DEAF1: variants seen among roughly 807,000 people sequenced by gnomAD.
DEAF1 encodes deformed epidermal autoregulatory factor 1 homolog.
Under a neutral mutation model 58.9 loss-of-function variants are expected in DEAF1, and 53 were observed. That is an observed-to-expected ratio of 0.90 (90% CI 0.72 to 1.13). DEAF1 has a LOEUF of 1.13. DEAF1 is among the 50% of genes most tolerant of loss of function. DEAF1 has a pLI of 0.00. For synonymous variants in DEAF1, 385 were observed against 340.4 expected (o/e 1.13, Z -1.44); for missense variants, 685 against 791.4 (o/e 0.87, Z 1.61).
chr11:647,738 C>T (rs1858566926), intron 11 of DEAF1, among the ~76,000 whole-genome samples: 2 of 152,230 alleles, frequency 1.3e-5, no homozygotes, highest in Admixed American at 1.3e-4. Flanking sequence ...GCACGTCTCA[C>T]ATTTTCCAAA....
chr11:703,691 G>C (rs912492349), intron 1 of DEAF1: 3 of 1,232,330 alleles, frequency 2.4e-6, no homozygotes, highest in Non-Finnish European at 3.0e-6. Flanking sequence ...CTCACAGGCA[G>C]GCAGGCCCGG....
chr11:664,404 C>T (rs1184810556), intron 10 of DEAF1, among the ~76,000 whole-genome samples: 1 of 152,092 alleles, frequency 6.6e-6, no homozygotes, highest in African/African-American at 2.4e-5. Context: ...GCCTCTAAGT[C>T]CTGACTCCAG....
intron 11 of DEAF1, among the ~76,000 whole-genome samples, chr11:652,171 G>T (rs1858805200): frequency 6.6e-6 from 1 of 152,160 alleles, no homozygotes; most frequent in Non-Finnish European, 1.5e-5. Flanking sequence ...TGTAATTAAA[G>T]TAGAAATTAA....
intron 1 of DEAF1, chr11:704,925 G>C (rs1861650885): frequency 2.9e-6 from 1 of 348,628 alleles, no homozygotes; most frequent in Non-Finnish European, 5.6e-6. Context: ...GGTGCACCGA[G>C]GGGTTGGCGT....
upstream of DEAF1, chr11:698,849 A>G (rs765869216): frequency 5.0e-6 from 8 of 1,614,068 alleles, no homozygotes; most frequent in Non-Finnish European, 6.8e-6. Flanking sequence ...GGCCTTGCTC[A>G]CGGCCCCTTT....
intron 10 of DEAF1, among the ~76,000 whole-genome samples, chr11:667,430 G>A (rs1400235571): frequency 1.4e-5 from 2 of 147,246 alleles, no homozygotes; most frequent in East Asian, 3.9e-4. Context: ...GAGGAAAAGA[G>A]GAAAGGAAGG....
intron 11 of DEAF1, among the ~76,000 whole-genome samples, chr11:649,645 A>T (rs1007225603): frequency 9.3e-5 from 14 of 150,406 alleles, no homozygotes; most frequent in Admixed American, 5.3e-4. Flanking sequence ...CCTTAAACCC[A>T]GGAGGTGGAG....
At chr11:678,100 C>A (rs1860159219) in intron 9 of DEAF1, among the ~76,000 whole-genome samples, 1 of 151,940 alleles carries the variant, frequency 6.6e-6, no homozygotes, top group South Asian at 2.1e-4. Flanking sequence ...GTAATCCCAG[C>A]TACCTGGGAG....
exon 1 of DEAF1, among the ~76,000 whole-genome samples, chr11:706,972 G>A (rs1030476589): frequency 6.6e-6 from 1 of 152,056 alleles, no homozygotes; most frequent in Non-Finnish European, 1.5e-5. Context: ...GCTGCCTGGC[G>A]TTGCCCCTTG....
In DEAF1 at chr11:703,007, G is replaced by A. The variant is rs200745812; in HGVS notation, c.-438+3565C>T. ...GGCCGCCAGCCTGGCCCTCACGGCT[G>A]GCACCGCCCTCCTCTCTGCCCACTT... On this transcript the variant is annotated intron_variant, in intron 1 of 11. Transcript: ENST00000683307. The A allele has an allele frequency of 3.1e-6, 5 of 1,612,194 alleles. No homozygotes were observed. In the East Asian group the frequency reaches 8.9e-5, roughly 29 times the overall value.
At chr11:704,757 G>C in intron 1 of DEAF1, 2 of 774,102 alleles carry the variant, frequency 2.6e-6, no homozygotes, top group Non-Finnish European at 3.7e-6. Flanking sequence ...CGAGAGGCCA[G>C]CCTGGACTGT....
At chr11:687,540 A>G (rs1419296440) in intron 4 of DEAF1, among the ~76,000 whole-genome samples, 5 of 152,132 alleles carry the variant, frequency 3.3e-5, no homozygotes, top group Non-Finnish European at 7.4e-5. Context: ...CCCAGGATGG[A>G]GTGCAGTGGC....
chr11:649,365 T>C (rs1425712283), intron 11 of DEAF1, among the ~76,000 whole-genome samples: 10 of 151,958 alleles, frequency 6.6e-5, no homozygotes, highest in African/African-American at 2.4e-4. Context: ...GAGGTTGCAC[T>C]GAGCTGAGAT....
At chr11:686,543 A>G (rs998134169) in intron 5 of DEAF1, among the ~76,000 whole-genome samples, 7 of 152,154 alleles carry the variant, frequency 4.6e-5, no homozygotes, top group Admixed American at 1.3e-4. Context: ...CGATTATCTT[A>G]ACTTCTACTG....
At chr11:685,691 G>A (rs1188137568) in intron 5 of DEAF1, among the ~76,000 whole-genome samples, 2 of 150,442 alleles carry the variant, frequency 1.3e-5, no homozygotes, top group East Asian at 2.0e-4. Context: ...GGAGGCCTTT[G>A]CCTCAAAAAA....
At position 680,956 on chromosome 11, in the gene DEAF1, A is replaced by G. The variant is rs188332346; in HGVS notation, c.997+7T>C. 2.5e-6 allele frequency: 4 copies of G among 1,614,104 alleles called. No homozygotes were observed. The highest frequency in any genetic ancestry group is 3.4e-6 in the Non-Finnish European group (4 of 1,180,004). Reference sequence around the variant, plus strand: ...AGTAAACTAGAGCTGTGTTTTCTCAAACTCACAGGTGGTAGCCGCGGTGGC... The same window carrying G: ...AGTAAACTAGAGCTGTGTTTTCTCAGACTCACAGGTGGTAGCCGCGGTGGC... On this transcript the variant is annotated splice_region_variant and intron_variant, in intron 7 of 11. Coordinates refer to ENST00000382409, the MANE Select transcript of DEAF1 (RefSeq NM_021008.4).
chr11:687,906 C>A lies in DEAF1; in HGVS notation c.664+5G>T. 1.2e-6 allele frequency: 2 copies of A among 1,614,074 alleles called. No homozygotes were observed. Among genetic ancestry groups the A allele is most frequent in the Non-Finnish European group, 1.7e-6 (2 of 1,180,026 alleles). ...AACTTTGGAGTCTGAAGTGGCAGTC[C>A]TCACCTGAGCCGAGCCTGTTCTTGT... is the stretch of plus-strand genomic sequence containing the variant. On this transcript the variant is annotated splice_donor_5th_base_variant and intron_variant, in intron 4 of 11. Transcript: ENST00000382409.
intron 1 of DEAF1, chr11:704,432 T>G (rs1195314153): frequency 1.6e-6 from 2 of 1,288,160 alleles, no homozygotes; most frequent in African/African-American, 3.0e-5. Flanking sequence ...GACCTGTCTG[T>G]GGCCCCCAGT....
intron 1 of DEAF1, among the ~76,000 whole-genome samples, chr11:702,241 G>A (rs535285373): frequency 6.6e-6 from 1 of 152,350 alleles, no homozygotes; most frequent in Admixed American, 6.5e-5. Flanking sequence ...TCAGTGTCTT[G>A]TCTGCACTTA....
Sources: gnomAD v4.1 joint callset for allele counts (sites outside exome capture counted in the v4.1 genomes callset) on GRCh38, gnomAD v4.1.1 for gene constraint, MANE v1.5 for transcripts, NCBI Gene and HGNC (gene_info 2026-07-23, HGNC 2026-07-21) for gene names.